The following SPARCL1 variants were observed in gnomAD, a reference collection of about 807,000 sequenced individuals.
SPARCL1 encodes the protein SPARC-like protein 1.
SPARCL1 carries 52 observed loss-of-function variants against 67.1 expected under a neutral mutation model. The ratio of observed to expected loss-of-function variants is 0.78; its 90% confidence interval spans 0.62 to 0.98. The LOEUF (loss-of-function observed/expected upper bound fraction) is 0.98. SPARCL1 is among the 50% of genes least tolerant of loss of function. SPARCL1 has a pLI of 0.00. For synonymous variants in SPARCL1, 226 were observed against 267.8 expected, an observed-to-expected ratio of 0.84 and a Z score of 1.52; for missense variants, 717 against 782.4, an observed-to-expected ratio of 0.92 and a Z score of 1.00.
At chr4:87,480,899 C>A (rs1374362459) in intron 8 of SPARCL1, among the ~76,000 whole-genome samples, 1 of 147,802 alleles carries the variant, frequency 6.8e-6, no homozygotes, top group East Asian at 2.0e-4. Flanking sequence ...GTGAAAAGTG[C>A]TGCTCCTTCC....
At position 87,488,855 on chromosome 4, in the gene SPARCL1, A is replaced by G. The variant is rs375273309; in HGVS notation, c.1531+1418T>C. Among the ~76,000 whole-genome samples the G allele has an allele frequency of 1.1e-4, 16 of 152,326 alleles. No individual in the cohort carries two copies. The East Asian group carries it at 1.9e-3, about 18-fold the overall frequency. ...TCTGGTGCTGCCGTGGGCTCCACCC[A>G]GTCCGAACTTCCTAGCAGCTTTGTT... On this transcript the variant is annotated intron_variant, in intron 7 of 10. Transcript: ENST00000282470.
chr4:87,496,953 C>T (rs1724643493), intron 2 of SPARCL1, among the ~76,000 whole-genome samples: 1 of 152,190 alleles, frequency 6.6e-6, no homozygotes. Context: ...CTCACTGTAA[C>T]CTCCACCTGC....
intron 1 of SPARCL1, among the ~76,000 whole-genome samples, chr4:87,516,131 T>C (rs1421465274): frequency 1.3e-5 from 2 of 152,228 alleles, no homozygotes; most frequent in Non-Finnish European, 2.9e-5. Flanking sequence ...GAGTCTGTCA[T>C]GTCACAGAAG....
rs570659424 is a variant in SPARCL1, at chr4:87,498,759, A to G, written c.54+762T>C. Among the ~76,000 whole-genome samples the G allele has an allele frequency of 1.3e-4, 20 of 152,300 alleles. No individual in the cohort carries two copies. In the East Asian group the frequency reaches 2.5e-3, roughly 19 times the overall value. ...TTAGGAGCTGATTTATGATTACCAT[A>G]TCGTTTCCTGCCTAAACCATTGGTT... On this transcript the variant is annotated intron_variant, in intron 2 of 10. Transcript: ENST00000282470.
At chr4:87,476,571 C>CT (rs1723592669) in intron 10 of SPARCL1, among the ~76,000 whole-genome samples, 1 of 152,142 alleles carries the variant, frequency 6.6e-6, no homozygotes, top group Admixed American at 6.5e-5. Flanking sequence ...CTTTAAATGG[C>CT]TTAGGGGAAC....
chr4:87,476,943 AAG>A (rs1723607109), intron 10 of SPARCL1, among the ~76,000 whole-genome samples: 3 of 152,230 alleles, frequency 2.0e-5, no homozygotes, highest in African/African-American at 7.2e-5. Context: ...CTACATTCCA[AAG>A]CAGTAAGTTG....
chr4:87,496,755 G>A (rs980139102), intron 2 of SPARCL1, among the ~76,000 whole-genome samples: 1 of 152,130 alleles, frequency 6.6e-6, no homozygotes, highest in African/African-American at 2.4e-5. Flanking sequence ...ACACTCAGAT[G>A]GCCTATCCAG....
At chr4:87,480,300 T>A in intron 9 of SPARCL1, 72 bp downstream of exon 9, 2 of 1,324,080 alleles carry the variant, frequency 1.5e-6, no homozygotes, top group Non-Finnish European at 2.0e-6. Context: ...GTTTAGATTT[T>A]CCTTTTGCAT....
intron 7 of SPARCL1, among the ~76,000 whole-genome samples, chr4:87,486,915 T>TTTTTTTTTTTTTTTTTTC (rs1724093994): frequency 1.1e-5 from 1 of 88,020 alleles, no homozygotes; most frequent in African/African-American, 4.1e-5. Flanking sequence ...TTTTTTTTTT[T>TTTTTTTTTTTTTTTTTTC]TTTTTTTTTT....
At position 87,494,097 on chromosome 4, in the gene SPARCL1, C is replaced by T; in HGVS notation, c.703G>A (p.Glu235Lys). 6.2e-7 allele frequency: 1 copy of T among 1,613,876 alleles called. No homozygotes were observed. The highest frequency in any genetic ancestry group is 8.5e-7 in the Non-Finnish European group (1 of 1,180,022). Reference protein sequence around the residue: ...PREHANSKQEEDNTQSDDILE... With the variant: ...PREHANSKQEKDNTQSDDILE... The stretch of plus-strand genomic sequence containing the variant: ...ATATCATCAGATTGGGTATTGTCTT[C>T]CTCCTGCTTGCTGTTAGCATGCTCC... The change falls in exon 4 of 11, where the codon GAA becomes AAA. Residue 235 changes from glutamate to lysine, a missense_variant. Glu to Lys is a moderately conservative substitution (Grantham distance 56, BLOSUM62 1). Transcript: ENST00000282470.
At chr4:87,505,345 T>C (rs1725029882) in intron 1 of SPARCL1, among the ~76,000 whole-genome samples, 1 of 152,108 alleles carries the variant, frequency 6.6e-6, no homozygotes, top group Non-Finnish European at 1.5e-5. Flanking sequence ...ATTTTATATA[T>C]GGTAATTCAT....
At chr4:87,478,932 T>G (rs1413735867) in intron 10 of SPARCL1, among the ~76,000 whole-genome samples, 4 of 152,166 alleles carry the variant, frequency 2.6e-5, no homozygotes, top group Non-Finnish European at 4.4e-5. Flanking sequence ...AAGCCATGGG[T>G]GAGTTTTGGG....
At chr4:87,517,120 A>G (rs1399601642) in intron 1 of SPARCL1, among the ~76,000 whole-genome samples, 1 of 152,116 alleles carries the variant, frequency 6.6e-6, no homozygotes, top group Non-Finnish European at 1.5e-5. Flanking sequence ...TCTTTCTCAG[A>G]GAAAGAGAAC....
At chr4:87,475,392 A>G (rs1210161589) in intron 10 of SPARCL1, among the ~76,000 whole-genome samples, 1 of 152,170 alleles carries the variant, frequency 6.6e-6, no homozygotes, top group Non-Finnish European at 1.5e-5. Flanking sequence ...CCTTCATTTC[A>G]GGAGAAACTT....
intron 1 of SPARCL1, among the ~76,000 whole-genome samples, chr4:87,509,282 C>G (rs1192415368): frequency 6.6e-6 from 1 of 152,048 alleles, no homozygotes; most frequent in African/African-American, 2.4e-5. Flanking sequence ...CTGAACAGTT[C>G]TATCAGGTAA....
chr4:87,503,639 G>A (rs75155059), intron 1 of SPARCL1, among the ~76,000 whole-genome samples: 5,645 of 143,322 alleles, frequency 0.039, 207 homozygotes, highest in African/African-American at 0.089. Flanking sequence ...GTGGGTCTTT[G>A]TGGGTCTTTG....
intron 1 of SPARCL1, among the ~76,000 whole-genome samples, chr4:87,522,834 G>A (rs1202315761): frequency 6.6e-6 from 1 of 152,114 alleles, no homozygotes; most frequent in Non-Finnish European, 1.5e-5. Flanking sequence ...TATATGGCAT[G>A]TGTTCAAATA....
At chr4:87,493,135 C>G (rs1724427365) in intron 4 of SPARCL1, among the ~76,000 whole-genome samples, 1 of 152,172 alleles carries the variant, frequency 6.6e-6, no homozygotes, top group African/African-American at 2.4e-5. Flanking sequence ...CCTGAAAAAT[C>G]ATGGAAATTG....
chr4:87,495,945 A>G (rs920350441), intron 2 of SPARCL1, among the ~76,000 whole-genome samples: 1 of 152,202 alleles, frequency 6.6e-6, no homozygotes, highest in Non-Finnish European at 1.5e-5. Flanking sequence ...AACAAAAAAA[A>G]TTAGAATTAA....
Sources: allele counts gnomAD v4.1 joint callset (sites outside exome capture counted in the v4.1 genomes callset), GRCh38; gene constraint gnomAD v4.1.1; transcripts MANE v1.5; gene names NCBI Gene and HGNC (gene_info 2026-07-23, HGNC 2026-07-21).